PGM3: variants seen among roughly 807,000 people sequenced by gnomAD.
PGM3 encodes the protein phosphoglucomutase 3.
Under a neutral mutation model 66.2 loss-of-function variants are expected in PGM3, and 40 were observed. The ratio of observed to expected loss-of-function variants is 0.60; its 90% CI spans 0.47 to 0.79. The LOEUF (loss-of-function observed/expected upper bound fraction) is 0.79, where lower values mean the gene tolerates loss of function less well. Among genes scored for constraint, PGM3 ranks in the 30% least tolerant of loss-of-function variants. The pLI is 0.00. For missense variants in PGM3, 537 were observed against 643.4 expected (o/e 0.83, Z 1.79); for synonymous variants, 191 against 224.2 (o/e 0.85, Z 1.32).
intron 9 of PGM3, among the ~76,000 whole-genome samples, chr6:83,175,598 TATTA>T (rs1468874884): frequency 1.3e-5 from 2 of 152,214 alleles, no homozygotes; most frequent in African/African-American, 2.4e-5. Context: ...TTTCATTTCT[TATTA>T]ATTATCAACT....
chr6:83,159,312 C>G (rs1243104033), downstream of PGM3, among the ~76,000 whole-genome samples: 1 of 152,084 alleles, frequency 6.6e-6, no homozygotes, highest in African/African-American at 2.4e-5. Flanking sequence ...CTCATCTTTT[C>G]ACCCAGGCTG....
chr6:83,160,407 G>A (rs1783958284), downstream of PGM3, among the ~76,000 whole-genome samples: 1 of 152,238 alleles, frequency 6.6e-6, no homozygotes, highest in South Asian at 2.1e-4. Context: ...GAAGTGTGGA[G>A]AGATTGGTAT....
downstream of PGM3, among the ~76,000 whole-genome samples, chr6:83,161,850 A>T (rs1216602661): frequency 6.6e-6 from 1 of 152,108 alleles, no homozygotes; most frequent in African/African-American, 2.4e-5. Context: ...ATATTCTCAG[A>T]TGTGCACAAA....
At chr6:83,181,285 T>C (rs1364689614) in intron 6 of PGM3, among the ~76,000 whole-genome samples, 1 of 152,194 alleles carries the variant, frequency 6.6e-6, no homozygotes, top group African/African-American at 2.4e-5. Context: ...TATGCTCCCC[T>C]GTAGATCTGT....
chr6:83,170,212 A>T, intron 12 of PGM3, 93 bp downstream of exon 12: 12 of 1,163,042 alleles, frequency 1.0e-5, no homozygotes, highest in Non-Finnish European at 1.5e-5. Flanking sequence ...TAAAGCCTTA[A>T]TCATCATAGT....
chr6:83,174,738 A>C (rs955568970), intron 9 of PGM3, among the ~76,000 whole-genome samples: 1 of 152,236 alleles, frequency 6.6e-6, no homozygotes, highest in Admixed American at 6.5e-5. Context: ...ATTACAAAGA[A>C]AACACCACCT....
In PGM3 at chr6:83,179,972, C is replaced by G. The variant is rs369557142; in HGVS notation, c.788-5G>C. On this transcript the variant is annotated splice_region_variant and splice_polypyrimidine_tract_variant and intron_variant, in intron 6 of 12. Coordinates refer to ENST00000513973, the MANE Select transcript of PGM3 (RefSeq NM_015599.3). ...CATTGGACTTAATTTCCATTCCTAGCACACAGGATAATTTAACATGCATTT... is the reference window on the plus strand; with the variant it reads ...CATTGGACTTAATTTCCATTCCTAGGACACAGGATAATTTAACATGCATTT... 1.3e-6 allele frequency: 2 copies of G among 1,599,786 alleles called. No individual in the cohort carries two copies. Among genetic ancestry groups the G allele is most frequent in the African/African-American group, 2.7e-5 (2 of 74,554 alleles).
Position 83,165,695 on chromosome 6 carries a change from C to T in PGM3, c.*3539G>A. The T allele has an allele frequency of 4.5e-6, 1 of 222,096 alleles. No homozygotes were observed. The highest frequency in any genetic ancestry group is 4.7e-5 in the Admixed American group (1 of 21,090). 13.8% of individuals were successfully genotyped at this position (222,096 alleles called of 1,614,324 possible). On this transcript the variant is annotated 3_prime_UTR_variant, in exon 13 of 13. Transcript: ENST00000513973. ...GCCTAAAGAAGTGGTAGTTTGTTGG[C>T]AAGAGGTCAGGTGAATATGGCAGAT...
intron 6 of PGM3, among the ~76,000 whole-genome samples, chr6:83,180,335 G>C (rs1395544496): frequency 6.6e-6 from 1 of 152,156 alleles, no homozygotes; most frequent in African/African-American, 2.4e-5. Context: ...ATCAGCACTA[G>C]ATGATGTATG....
chr6:83,163,020 T>G, downstream of PGM3: 1 of 1,332,574 alleles, frequency 7.5e-7, no homozygotes, highest in Non-Finnish European at 1.0e-6. Flanking sequence ...CGTTATCAAG[T>G]TGAGCTATTT....
chr6:83,179,988 A>G (rs1788058531), intron 6 of PGM3, 21 bp from the exon 7 acceptor site: 14 of 1,572,556 alleles, frequency 8.9e-6, no homozygotes, highest in African/African-American at 2.7e-5. Flanking sequence ...GGATAATTTA[A>G]CATGCATTTC....
intron 1 of PGM3, chr6:83,191,256 ACTCTCCTCCCAT>A: frequency 6.5e-7 from 1 of 1,533,888 alleles, no homozygotes; most frequent in Non-Finnish European, 8.7e-7. Context: ...GATTGTCCCC[ACTCTCCTCCCAT>A]TTTAGCTCCA....
downstream of PGM3, chr6:83,158,686 A>C: frequency 9.1e-7 from 1 of 1,102,234 alleles, no homozygotes; most frequent in Non-Finnish European, 1.3e-6. Context: ...TCAGAATATT[A>C]CTCAGCATCT....
At position 83,181,773 on chromosome 6, in the gene PGM3, T is replaced by A. The variant is rs748661694; in HGVS notation, c.750A>T (p.Gly250=). Residue 250 remains glycine (G), a synonymous_variant, in exon 6 of 13, where the codon GGA becomes GGT. Transcript: ENST00000513973. The stretch of plus-strand genomic sequence containing the variant: ...TCTGATGACTTTTCACAAAGTCAGC[T>A]CCACATAAATGATTGAGTTTGCCCT... ...GSKGKLNHLC[G]ADFVKSHQKP... is the part of the protein sequence containing the mutation. The A allele has an allele frequency of 1.2e-6, 2 of 1,612,976 alleles. No individual in the cohort carries two copies. Among genetic ancestry groups the A allele is most frequent in the South Asian group, 1.1e-5 (1 of 90,802 alleles).
chr6:83,161,532 A>G (rs143634029), downstream of PGM3, among the ~76,000 whole-genome samples: 38 of 152,318 alleles, frequency 2.5e-4, no homozygotes, highest in African/African-American at 8.9e-4. Context: ...TGCATAATGT[A>G]TAAAAATAAC....
intron 8 of PGM3, among the ~76,000 whole-genome samples, chr6:83,177,397 G>A (rs542726516): frequency 9.9e-5 from 15 of 152,022 alleles, no homozygotes; most frequent in Non-Finnish European, 1.6e-4. Flanking sequence ...GGTGGACACC[G>A]GGGAAATAAT....
rs1788042087 is a variant in PGM3 at position 83,179,806 on chromosome 6, A to G, written c.945+4T>C. On this transcript the variant is annotated splice_donor_region_variant and intron_variant, in intron 7 of 12. Coordinates refer to ENST00000513973, the MANE Select transcript of PGM3 (RefSeq NM_015599.3). ...TTAGAGGGTAGCCAATCCCCCCACC[A>G]TACCTCCACCAGGAGCTCTTTAAGG... The G allele has an allele frequency of 1.2e-6, 2 of 1,606,678 alleles. No individual in the cohort carries two copies. Among genetic ancestry groups the G allele is most frequent in the Non-Finnish European group, 8.5e-7 (1 of 1,176,276 alleles).
At chr6:83,162,095 G>C (rs1784363480), downstream of PGM3, among the ~76,000 whole-genome samples, 1 of 152,090 alleles carries the variant, frequency 6.6e-6, no homozygotes, top group African/African-American at 2.4e-5. Context: ...TTAAAAGAGA[G>C]GGTTGGTTGT....
rs1336612507 is a variant in PGM3, at chr6:83,169,317, C to G, written c.1546G>C (p.Ala516Pro). The G allele has an allele frequency of 1.2e-6, 2 of 1,613,520 alleles. No individual in the cohort carries two copies. The highest frequency in any genetic ancestry group is 1.3e-5 in the African/African-American group (1 of 75,030). The change falls in exon 13 of 13, where the codon GCA (alanine) becomes CCA (proline). Residue 516 changes from alanine to proline, a missense_variant. Physicochemically the swap from Ala to Pro is conservative, Grantham distance 27. Transcript: ENST00000513973. ...VYAEADSQES[A>P]DHLAHEVSLA... ...CTCACTTCATGTGCAAGGTGATCTG[C>G]ACTTTCCTGCAAATTACATTAAAAG...
Sources: allele counts gnomAD v4.1 joint callset (sites outside exome capture counted in the v4.1 genomes callset), GRCh38; gene constraint gnomAD v4.1.1; transcripts MANE v1.5; gene names NCBI Gene and HGNC (gene_info 2026-07-23, HGNC 2026-07-21).